Variants in ZFPM1 observed in about 807,000 individuals in gnomAD.
ZFPM1 encodes the protein zinc finger protein ZFPM1.
In ZFPM1, 28 loss-of-function variants were observed where a neutral mutation model predicts 46.3. That is an observed-to-expected ratio of 0.60 (90% CI 0.45 to 0.83). The LOEUF is 0.83. Ranked by LOEUF, ZFPM1 falls within the 40% of genes least tolerant of loss-of-function variation. The probability of loss-of-function intolerance (pLI) is 0.00; values close to 1 mark genes in which losing one functional copy is unlikely to be tolerated. For missense variants in ZFPM1, 1,878 were observed against 1,432.4 expected (o/e 1.31, Z -5.02); for synonymous variants, 957 against 675.9 (o/e 1.42, Z -6.45).
intron 4 of ZFPM1, among the ~76,000 whole-genome samples, chr16:88,521,394 G>A (rs1455872969): frequency 6.6e-6 from 1 of 152,000 alleles, no homozygotes; most frequent in Non-Finnish European, 1.5e-5. Context: ...TCAGAGGACT[G>A]CTCAGACCCT....
intron 2 of ZFPM1, among the ~76,000 whole-genome samples, chr16:88,488,558 T>C (rs1243042808): frequency 6.6e-6 from 1 of 151,142 alleles, no homozygotes; most frequent in Non-Finnish European, 1.5e-5. Context: ...ATTAATAATC[T>C]GTAGACACGT....
chr16:88,488,993 C>T, intron 2 of ZFPM1, 38 bp from the exon 3 acceptor site: 1 of 1,594,408 alleles, frequency 6.3e-7, no homozygotes, highest in Non-Finnish European at 8.6e-7. Flanking sequence ...CAGTGCCCGG[C>T]ACTCAGCAGG....
At chr16:88,453,789 C>A in intron 1 of ZFPM1, 111 bp downstream of exon 1, 1 of 598,972 alleles carries the variant, frequency 1.7e-6, no homozygotes, top group Non-Finnish European at 2.1e-6. Context: ...CGGCGACCTT[C>A]ACCCCGCGCC....
intron 2 of ZFPM1, among the ~76,000 whole-genome samples, chr16:88,487,557 G>T (rs1321802940): frequency 3.3e-5 from 5 of 152,142 alleles, no homozygotes; most frequent in African/African-American, 9.7e-5. Context: ...GTTTCAGAGG[G>T]GTCTGCAGCC....
At chr16:88,493,333 C>T (rs1198238525) in intron 3 of ZFPM1, among the ~76,000 whole-genome samples, 3 of 139,726 alleles carry the variant, frequency 2.1e-5, no homozygotes, top group Admixed American at 7.0e-5. Flanking sequence ...GAAATTGTCC[C>T]GGGGTGGGGA....
At chr16:88,532,976 C>T (rs996297045) in intron 9 of ZFPM1, 41 bp downstream of exon 9, 13 of 1,609,904 alleles carry the variant, frequency 8.1e-6, no homozygotes, top group Non-Finnish European at 1.1e-5. Context: ...CCTTAGGCCC[C>T]CTGAGCAGTG....
chr16:88,479,243 T>C (rs1171892762), intron 1 of ZFPM1, among the ~76,000 whole-genome samples: 1 of 152,088 alleles, frequency 6.6e-6, no homozygotes, highest in Admixed American at 6.5e-5. Context: ...AGACCCCACT[T>C]TGATGGCGGG....
At chr16:88,524,060 G>A (rs1396459951) in intron 4 of ZFPM1, among the ~76,000 whole-genome samples, 9 of 152,226 alleles carry the variant, frequency 5.9e-5, no homozygotes, top group Admixed American at 1.3e-4. Context: ...TAAACCGGCC[G>A]GCAGGCTGTC....
At chr16:88,458,026 C>T (rs539930304) in intron 1 of ZFPM1, among the ~76,000 whole-genome samples, 1 of 152,298 alleles carries the variant, frequency 6.6e-6, no homozygotes, top group East Asian at 1.9e-4. Context: ...CTCTCTGTGC[C>T]AGGCTGTGTA....
chr16:88,531,854 T>A, intron 6 of ZFPM1, 148 bp from the exon 7 acceptor site: 1 of 715,226 alleles, frequency 1.4e-6, no homozygotes, highest in Non-Finnish European at 2.3e-6. Context: ...CCAGGAGGCT[T>A]ACAGTTACAG....
In ZFPM1 at chr16:88,501,631, C is replaced by A. The variant is rs879180681; in HGVS notation, c.268+12478C>A. 7.6e-3 allele frequency among the ~76,000 whole-genome samples: 640 copies of A among 83,854 alleles called. 18 individuals carry two copies. The highest frequency in any genetic ancestry group is 0.021 in the African/African-American group (371 of 17,496). 55.0% of individuals were successfully genotyped at this position (83,854 alleles called of 152,430 possible). A position where few individuals can be genotyped will look rare whatever the true frequency, so the allele number is the denominator to read the frequency against. ...ACTGGTGATGATGGAGATAGTGGGC[C>A]TGGGTGCGTGGGCCATCGCGCAGGT... On this transcript the variant is annotated intron_variant, in intron 3 of 9. Transcript: ENST00000319555.
intron 5 of ZFPM1, 41 bp from the exon 6 acceptor site, chr16:88,527,991 G>GA: frequency 6.7e-7 from 1 of 1,492,874 alleles, no homozygotes; most frequent in Non-Finnish European, 9.0e-7. Context: ...ACAGGGAAGT[G>GA]GGGCACAAAG....
rs370073344 is a variant in ZFPM1 at position 88,532,789 on chromosome 16, G to A, written c.1043G>A (p.Gly348Asp). The A allele has an allele frequency of 1.1e-5, 18 of 1,613,080 alleles. No homozygotes were observed. The highest frequency in any genetic ancestry group is 1.4e-5 in the Non-Finnish European group (17 of 1,179,924). The change falls in exon 9 of 10, where the codon GGT (glycine) becomes GAT (aspartate). Residue 348 changes from glycine (G) to aspartate (D), a missense_variant and splice_region_variant. Coordinates refer to ENST00000319555, the MANE Select transcript of ZFPM1 (RefSeq NM_153813.3). ...TTGACCACCTCGCCATGGCCCACAG[G>A]TGTCTGCCACAGCTGTGGCTTCATC... ...HLKVHTDTLS[G>D]VCHSCGFIST... is the part of the protein sequence containing the mutation.
rs191995079 is a variant in ZFPM1 at position 88,496,045 on chromosome 16, G to A, written c.268+6892G>A. 3.6e-3 allele frequency among the ~76,000 whole-genome samples: 553 copies of A among 152,258 alleles called. 12 individuals are homozygous for A. The highest frequency in any genetic ancestry group is 6.5e-4 in the Non-Finnish European group (44 of 67,996). On this transcript the variant is annotated intron_variant, in intron 3 of 9. Transcript: ENST00000319555. ...GAGCCTGGGCTCCATGTGGCCCCAC[G>A]GCCATCCTTGGGCAGGGCAGGACAC...
intron 3 of ZFPM1, among the ~76,000 whole-genome samples, chr16:88,491,831 G>C (rs552741179): frequency 2.0e-5 from 3 of 152,216 alleles, no homozygotes; most frequent in African/African-American, 7.2e-5. Flanking sequence ...AGTGGCTACG[G>C]CCTATCAGAC....
intron 1 of ZFPM1, among the ~76,000 whole-genome samples, chr16:88,473,613 G>T (rs1366328782): frequency 6.6e-6 from 1 of 152,092 alleles, no homozygotes; most frequent in African/African-American, 2.4e-5. Context: ...CCCATCTGAC[G>T]CAGGCTGCGC....
In ZFPM1 at chr16:88,479,608, C is replaced by A. The variant is rs1285408314; in HGVS notation, c.41-6331C>A. ...GCCCAGCTGGTGGGAAAGTCTGAAT[C>A]TGTTGCTATTTTCTGTCTGTTATCA... is the stretch of plus-strand genomic sequence containing the variant. On this transcript the variant is annotated intron_variant, in intron 1 of 9. Coordinates refer to ENST00000319555, the MANE Select transcript of ZFPM1 (RefSeq NM_153813.3). Among the ~76,000 whole-genome samples, 4 of 152,224 alleles carry A rather than the reference C, an allele frequency of 2.6e-5. No homozygotes were observed. In the East Asian group the frequency reaches 7.7e-4, roughly 29 times the overall value.
chr16:88,474,972 C>T (rs1019168800), intron 1 of ZFPM1, among the ~76,000 whole-genome samples: 1 of 152,250 alleles, frequency 6.6e-6, no homozygotes, highest in African/African-American at 2.4e-5. Flanking sequence ...CTAGATTCCA[C>T]TTGGCCCTGA....
At chr16:88,458,054 C>G (rs1420386472) in intron 1 of ZFPM1, among the ~76,000 whole-genome samples, 1 of 152,218 alleles carries the variant, frequency 6.6e-6, no homozygotes, top group Non-Finnish European at 1.5e-5. Flanking sequence ...AAAGCAGGTC[C>G]TCTTCTGATC....
Sources: allele counts gnomAD v4.1 joint callset (sites outside exome capture counted in the v4.1 genomes callset), GRCh38; gene constraint gnomAD v4.1.1; transcripts MANE v1.5; gene names NCBI Gene and HGNC (gene_info 2026-07-23, HGNC 2026-07-21).